Variants in ESRRB observed in about 807,000 individuals in gnomAD.
ESRRB encodes the protein estrogen related receptor beta.
ESRRB carries 16 observed loss-of-function variants against 46.0 expected under a neutral mutation model. That is an observed-to-expected ratio of 0.35 (90% CI 0.24 to 0.53). ESRRB has a LOEUF of 0.53. ESRRB is among the 20% of genes least tolerant of loss of function. The probability of loss-of-function intolerance (pLI) is 0.93; values close to 1 mark genes in which losing one functional copy is unlikely to be tolerated. For synonymous variants in ESRRB, 246 were observed against 259.6 expected, an observed-to-expected ratio of 0.95 and a Z score of 0.50; for missense variants, 488 against 607.4, an observed-to-expected ratio of 0.80 and a Z score of 2.07.
At chr14:76,411,870 A>G (rs1886458477) in intron 1 of ESRRB, among the ~76,000 whole-genome samples, 1 of 152,192 alleles carries the variant, frequency 6.6e-6, no homozygotes, top group African/African-American at 2.4e-5. Context: ...TTCTGTTATC[A>G]TCACACTATT....
intron 1 of ESRRB, among the ~76,000 whole-genome samples, chr14:76,348,280 C>T (rs1288681706): frequency 6.6e-6 from 1 of 152,094 alleles, no homozygotes; most frequent in Non-Finnish European, 1.5e-5. Flanking sequence ...AGCACCAGAC[C>T]CAGCCCTGTG....
intron 1 of ESRRB, among the ~76,000 whole-genome samples, chr14:76,327,879 A>ATT (rs986548715): frequency 3.4e-5 from 5 of 145,626 alleles, no homozygotes; most frequent in Admixed American, 2.1e-4. Context: ...AATTTTCGTA[A>ATT]TTTTTTTTTT....
In ESRRB at chr14:76,491,526, G is replaced by T; in HGVS notation, c.930G>T (p.Val310=). 1 of 1,600,118 alleles carries T rather than the reference G, an allele frequency of 6.2e-7. No individual in the cohort carries two copies. The highest frequency in any genetic ancestry group is 8.5e-7 in the Non-Finnish European group (1 of 1,173,784). Residue 310 remains valine, a synonymous_variant, in exon 6 of 7, where the codon GTG becomes GTT. Transcript: ENST00000644823. ...AWMEILILGI[V]YRSLPYDDKL... ...TGGAAATCCTCATCCTGGGCATCGT[G>T]TACCGCTCGCTGCCCTATGACGACA...
At chr14:76,354,350 T>A (rs1884353039) in intron 1 of ESRRB, among the ~76,000 whole-genome samples, 2 of 151,638 alleles carry the variant, frequency 1.3e-5, no homozygotes, top group South Asian at 4.2e-4. Context: ...TCATATTTGC[T>A]CTCTCCACTG....
chr14:76,349,703 G>A (rs1022719734), intron 1 of ESRRB, among the ~76,000 whole-genome samples: 13 of 152,306 alleles, frequency 8.5e-5, no homozygotes, highest in South Asian at 4.2e-4. Flanking sequence ...CGTAAATTCC[G>A]TAGAGGCAGG....
At chr14:76,348,593 C>A (rs1048698897) in intron 1 of ESRRB, among the ~76,000 whole-genome samples, 1 of 152,210 alleles carries the variant, frequency 6.6e-6, no homozygotes, top group Non-Finnish European at 1.5e-5. Flanking sequence ...CCTCAATTTC[C>A]TAGTCCATAA....
At chr14:76,310,877 C>T (rs1481628482) in exon 1 of ESRRB, 5 of 455,046 alleles carry the variant, frequency 1.1e-5, no homozygotes, top group Non-Finnish European at 2.2e-5. Context: ...GCACATTCCA[C>T]CCCAGCCCAG....
chr14:76,396,195 A>G (rs959998695), intron 1 of ESRRB, among the ~76,000 whole-genome samples: 2 of 151,994 alleles, frequency 1.3e-5, no homozygotes, highest in Non-Finnish European at 2.9e-5. Context: ...AACAAAAACA[A>G]AAACAAAAAA....
intron 2 of ESRRB, among the ~76,000 whole-genome samples, chr14:76,445,471 A>C (rs1888098846): frequency 7.0e-6 from 1 of 143,190 alleles, no homozygotes; most frequent in Non-Finnish European, 1.5e-5. Flanking sequence ...CGTCTCAAAA[A>C]AAAAAAAAAA....
At chr14:76,415,744 T>C (rs893477302) in intron 1 of ESRRB, among the ~76,000 whole-genome samples, 1 of 152,216 alleles carries the variant, frequency 6.6e-6, no homozygotes, top group Non-Finnish European at 1.5e-5. Context: ...TGGGCTCAAA[T>C]GGTGCTCCTG....
chr14:76,321,145 C>G (rs10498534), intron 1 of ESRRB, among the ~76,000 whole-genome samples: 11,508 of 152,240 alleles, frequency 0.076, 572 homozygotes, highest in South Asian at 0.15. Flanking sequence ...CCCGTAAGTC[C>G]TTAACTCTAT....
intron 1 of ESRRB, among the ~76,000 whole-genome samples, chr14:76,358,323 AAAAG>A (rs869092343): frequency 0.016 from 869 of 52,884 alleles, 26 homozygotes; most frequent in Non-Finnish European, 0.02. Flanking sequence ...AAAAAAAAAA[AAAAG>A]AAAGAAAGAA....
chr14:76,435,907 T>C (rs1401595219), intron 1 of ESRRB, among the ~76,000 whole-genome samples: 2 of 151,902 alleles, frequency 1.3e-5, no homozygotes, highest in Non-Finnish European at 2.9e-5. Flanking sequence ...TCCTCCTGAG[T>C]TGGGACTCAG....
In ESRRB at chr14:76,439,614, G is replaced by C. The variant is rs118150038; in HGVS notation, c.324G>C (p.Ser108=). 6.2e-7 allele frequency: 1 copy of C among 1,614,214 alleles called. No individual in the cohort carries two copies. ...GTGCCAGCGGCATCATGGAGGACTC[G>C]GCCATCAAGTGCGAGTACATGCTCA... ...EDCASGIMED[S]AIKCEYMLNA... The change falls in exon 2 of 7, where the codon TCG becomes TCC. Residue 108 remains serine (S), a synonymous_variant. Coordinates refer to ENST00000644823, the MANE Select transcript of ESRRB (RefSeq NM_001379180.1).
intron 1 of ESRRB, among the ~76,000 whole-genome samples, chr14:76,413,095 G>A (rs1056230846): frequency 6.6e-6 from 1 of 152,160 alleles, no homozygotes; most frequent in Non-Finnish European, 1.5e-5. Context: ...GAAAGTGAGC[G>A]GTGACCACCC....
intron 3 of ESRRB, among the ~76,000 whole-genome samples, chr14:76,477,562 A>C (rs1474615631): frequency 6.6e-6 from 1 of 152,164 alleles, no homozygotes; most frequent in Non-Finnish European, 1.5e-5. Context: ...AAGGCCAAAT[A>C]ACCTGAAATA....
At chr14:76,365,281 C>G (rs1442194311) in intron 1 of ESRRB, among the ~76,000 whole-genome samples, 1 of 152,186 alleles carries the variant, frequency 6.6e-6, no homozygotes, top group African/African-American at 2.4e-5. Context: ...TCAAGGCCAG[C>G]CTTGGCAACA....
At chr14:76,372,348 A>G (rs1419207324), upstream of ESRRB, among the ~76,000 whole-genome samples, 1 of 149,824 alleles carries the variant, frequency 6.7e-6, no homozygotes, top group Non-Finnish European at 1.5e-5. Flanking sequence ...AGCCTATGAC[A>G]TCGGCATCCA....
At chr14:76,333,561 C>T (rs1884089977) in intron 1 of ESRRB, among the ~76,000 whole-genome samples, 1 of 145,792 alleles carries the variant, frequency 6.9e-6, no homozygotes, top group African/African-American at 2.6e-5. Flanking sequence ...CTCCTGAGTT[C>T]AAGCAATCCT....
Sources: gnomAD v4.1 joint callset for allele counts (sites outside exome capture counted in the v4.1 genomes callset) on GRCh38, gnomAD v4.1.1 for gene constraint, MANE v1.5 for transcripts, NCBI Gene and HGNC (gene_info 2026-07-23, HGNC 2026-07-21) for gene names.